FERMT1: variants seen among roughly 807,000 people sequenced by gnomAD.
FERMT1 encodes FERM domain containing kindlin 1.
Under a neutral mutation model 85.3 loss-of-function variants are expected in FERMT1, and 60 were observed. The observed-to-expected ratio is 0.70, with a 90% CI of 0.57 to 0.87. FERMT1 has a LOEUF of 0.87. FERMT1 is among the 40% of genes least tolerant of loss of function. FERMT1 has a pLI of 0.00. For synonymous variants in FERMT1, 275 were observed against 301.1 expected (o/e 0.91, Z 0.90); for missense variants, 701 against 818.9 (o/e 0.86, Z 1.76).
At chr20:6,084,542 A>G (rs1312799805) in intron 12 of FERMT1, among the ~76,000 whole-genome samples, 3 of 152,198 alleles carry the variant, frequency 2.0e-5, no homozygotes, top group African/African-American at 7.2e-5. Context: ...AATAAGTTCA[A>G]TCTGGGAATA....
At chr20:6,094,849 G>C in intron 9 of FERMT1, 90 bp downstream of exon 9, 1 of 817,926 alleles carries the variant, frequency 1.2e-6, no homozygotes, top group Non-Finnish European at 2.2e-6. Flanking sequence ...CCATGAACCT[G>C]CCTCAGGGAT....
rs796667381 is a variant in FERMT1, at chr20:6,083,699, A to C, written c.1718+341T>G. Among the ~76,000 whole-genome samples, 64 of 149,890 alleles carry C rather than the reference A, an allele frequency of 4.3e-4. 1 individual carries two copies. Among genetic ancestry groups the C allele is most frequent in the African/African-American group, 1.2e-3 (47 of 40,476 alleles). On this transcript the variant is annotated intron_variant, in intron 13 of 14. Transcript: ENST00000217289. The stretch of plus-strand genomic sequence containing the variant: ...CTCCCCACACCCGATCTCTTAAAAA[A>C]AAAAAACAAAAAAAAAAAAACCGAA...
At chr20:6,082,899 A>G (rs1247303427) in intron 13 of FERMT1, among the ~76,000 whole-genome samples, 1 of 152,046 alleles carries the variant, frequency 6.6e-6, no homozygotes, top group African/African-American at 2.4e-5. Context: ...AGCTCAGGCA[A>G]TCCGTCCACT....
At chr20:6,089,388 C>A (rs958635347) in intron 9 of FERMT1, among the ~76,000 whole-genome samples, 13 of 152,070 alleles carry the variant, frequency 8.5e-5, no homozygotes, top group Admixed American at 5.9e-4. Flanking sequence ...TGATGGGGAC[C>A]GTCGTAGTCT....
At chr20:6,113,603 C>A (rs1403350117) in intron 3 of FERMT1, among the ~76,000 whole-genome samples, 1 of 152,114 alleles carries the variant, frequency 6.6e-6, no homozygotes, top group East Asian at 1.9e-4. Context: ...CTGCCAGAGG[C>A]TTTGCTCTGA....
intron 13 of FERMT1, among the ~76,000 whole-genome samples, chr20:6,083,681 C>T (rs1982069127): frequency 1.5e-5 from 2 of 133,676 alleles, no homozygotes; most frequent in African/African-American, 5.6e-5. Context: ...ACCCTCCCCA[C>T]ACCCGATCTC....
intron 8 of FERMT1, among the ~76,000 whole-genome samples, chr20:6,096,533 A>G (rs1755184214): frequency 6.6e-6 from 1 of 152,176 alleles, no homozygotes; most frequent in African/African-American, 2.4e-5. Flanking sequence ...TCTTTATTCT[A>G]TTCTCACAGC....
intron 5 of FERMT1, among the ~76,000 whole-genome samples, chr20:6,109,846 G>C (rs1322495620): frequency 6.6e-6 from 1 of 150,512 alleles, no homozygotes; most frequent in East Asian, 2.0e-4. Flanking sequence ...AGATTGTGGT[G>C]AGCTGAGATT....
Position 6,077,337 on chromosome 20 carries a change from C to T in FERMT1, c.1870G>A (p.Glu624Lys). The T allele has an allele frequency of 6.2e-7, 1 of 1,614,014 alleles. No homozygotes were observed. Among genetic ancestry groups the T allele is most frequent in the Non-Finnish European group, 8.5e-7 (1 of 1,180,008 alleles). Residue 624 changes from glutamate (E) to lysine (K), a missense_variant, in exon 15 of 15, where the codon GAG becomes AAG. By Grantham distance (56) the Glu-to-Lys change is moderately conservative (BLOSUM62 1). Transcript: ENST00000217289. Reference sequence around the variant, plus strand: ...GCAGTAAAGACGTTTTGGTCAAACTCGATGACCACCTGGAAGAGGAAGGCA... The same window carrying T: ...GCAGTAAAGACGTTTTGGTCAAACTTGATGACCACCTGGAAGAGGAAGGCA... ...VNWETRQVVI[E>K]FDQNVFTAFT... is the part of the protein sequence containing the mutation.
rs1393493424 is a variant in FERMT1, at chr20:6,084,150, G to C, written c.1608C>G (p.Ile536Met). The change falls in exon 13 of 15, where the codon ATC becomes ATG. Residue 536 changes from isoleucine (I) to methionine (M), a missense_variant. Ile to Met is a conservative substitution (Grantham distance 10, BLOSUM62 1). Coordinates refer to ENST00000217289, the MANE Select transcript of FERMT1 (RefSeq NM_017671.5). ...RHKSKQLAAR[I>M]LEAHQNVAQM... is the part of the protein sequence containing the mutation. ...GGGCCACGTTCTGGTGCGCCTCCAG[G>C]ATCCGGGCGGCCAGCTGAACAGAAA... 1.2e-6 allele frequency: 2 copies of C among 1,612,172 alleles called. No individual in the cohort carries two copies. Among genetic ancestry groups the C allele is most frequent in the South Asian group, 2.2e-5 (2 of 90,766 alleles).
Position 6,076,971 on chromosome 20 carries a change from G to T in FERMT1, c.*202C>A, listed in dbSNP as rs1981842226. ...CCATTTTATAGAAAAAACAAGAGAG[G>T]CTCCTTCCGTGGCTGGTAGCACAGG... On this transcript the variant is annotated 3_prime_UTR_variant, in exon 15 of 15. Transcript: ENST00000217289. 3 of 605,082 alleles carry T rather than the reference G, an allele frequency of 5.0e-6. No homozygotes were observed. In the East Asian group the frequency reaches 8.4e-5, roughly 17 times the overall value. 37.5% of individuals were successfully genotyped at this position (605,082 alleles called of 1,614,324 possible). A position where few individuals can be genotyped will look rare whatever the true frequency, so the allele number is the denominator to read the frequency against.
At chr20:6,080,113 G>A (rs893546171) in intron 13 of FERMT1, among the ~76,000 whole-genome samples, 1 of 152,116 alleles carries the variant, frequency 6.6e-6, no homozygotes, top group Non-Finnish European at 1.5e-5. Flanking sequence ...TGGATATCTG[G>A]GGAAAGAGTA....
intron 8 of FERMT1, among the ~76,000 whole-genome samples, chr20:6,095,417 A>T (rs113324646): frequency 1.4e-3 from 210 of 152,378 alleles, no homozygotes; most frequent in African/African-American, 4.8e-3. Flanking sequence ...CATTCAAGTT[A>T]AAAATCTGAA....
intron 4 of FERMT1, 92 bp downstream of exon 4, chr20:6,112,385 T>A: frequency 7.8e-7 from 1 of 1,286,756 alleles, no homozygotes; most frequent in South Asian, 1.2e-5. Flanking sequence ...ATTTTATTTC[T>A]CCTTTGTTTG....
At chr20:6,087,169 C>G (rs1487864902) in intron 11 of FERMT1, among the ~76,000 whole-genome samples, 2 of 152,052 alleles carry the variant, frequency 1.3e-5, no homozygotes, top group Non-Finnish European at 2.9e-5. Flanking sequence ...AGCCTGGGAC[C>G]CAGAATAAAT....
Position 6,119,272 on chromosome 20 carries a change from G to A in FERMT1, c.151+132C>T, listed in dbSNP as rs1600451977. The A allele has an allele frequency of 5.3e-6, 5 of 950,012 alleles. No homozygotes were observed. The East Asian group carries it at 1.3e-4, about 24-fold the overall frequency. The allele number at this position is 950,012 out of a possible 1,614,324, so 58.8% of individuals were successfully genotyped here. A position where few individuals can be genotyped will look rare whatever the true frequency, so the allele number is the denominator to read the frequency against. ...CTGGGCTATTTCTTTCTCTCCTCTG[G>A]GATGAGGGGTGGGGGATTGCTCTCC... On this transcript the variant is annotated intron_variant, in intron 2 of 14. Coordinates refer to ENST00000217289, the MANE Select transcript of FERMT1 (RefSeq NM_017671.5).
rs1342282411 is a variant in FERMT1 at position 6,085,085 on chromosome 20, T to TCA, written c.1573_1574insTG (p.Lys525MetfsTer67). 13 of 1,614,112 alleles carry TCA rather than the reference T, an allele frequency of 8.1e-6. No homozygotes were observed. Among genetic ancestry groups the TCA allele is most frequent in the Non-Finnish European group, 1.1e-5 (13 of 1,179,950 alleles). Reference sequence around the variant, plus strand: ...CAGTACCTGTTTGGATTTGTGTCTTTTTGCACACCGTGGTGACACAAAACA... The same window carrying TCA: ...CAGTACCTGTTTGGATTTGTGTCTTTCATTGCACACCGTGGTGACACAAAACA... On this transcript the variant is annotated frameshift_variant, in exon 12 of 15. Transcript: ENST00000217289. LOFTEE classifies it high-confidence loss of function.
chr20:6,083,041 A>G (rs994109715), intron 13 of FERMT1, among the ~76,000 whole-genome samples: 1 of 152,224 alleles, frequency 6.6e-6, no homozygotes, highest in Admixed American at 6.5e-5. Flanking sequence ...AAAACTGCCA[A>G]TGATTAAAAA....
At chr20:6,091,872 C>T (rs73074353) in intron 9 of FERMT1, among the ~76,000 whole-genome samples, 5,380 of 151,680 alleles carry the variant, frequency 0.035, 134 homozygotes, top group South Asian at 0.073. Context: ...GCAGCGGAGG[C>T]GATGCTGGGT....
Sources: allele counts gnomAD v4.1 joint callset (sites outside exome capture counted in the v4.1 genomes callset), GRCh38; gene constraint gnomAD v4.1.1; transcripts MANE v1.5; gene names NCBI Gene and HGNC (gene_info 2026-07-23, HGNC 2026-07-21).